Variants in TAB1 observed in about 807,000 individuals in gnomAD.
TAB1 encodes the protein TGF-beta activated kinase 1 (MAP3K7) binding protein 1.
Under a neutral mutation model 54.5 loss-of-function variants are expected in TAB1, and 30 were observed. The observed-to-expected ratio is 0.55, with a 90% CI of 0.41 to 0.75. The LOEUF is 0.75. Ranked by LOEUF, TAB1 falls within the 30% of genes least tolerant of loss-of-function variation. TAB1 has a pLI of 0.00. For synonymous variants in TAB1, 289 were observed against 286.9 expected, an observed-to-expected ratio of 1.01 and a Z score of -0.07; for missense variants, 609 against 683.2, an observed-to-expected ratio of 0.89 and a Z score of 1.21.
Position 39,415,092 on chromosome 22 carries a change from T to C in TAB1, c.120T>C (p.Asp40=). Residue 40 remains aspartate (D), a synonymous_variant, in exon 2 of 11, where the codon GAT becomes GAC. Coordinates refer to ENST00000216160, the MANE Select transcript of TAB1 (RefSeq NM_006116.3). This position sits in a 1 kb window ranked among gnomAD's most constrained non-coding sequence, Gnocchi z 4.9. The part of the protein sequence containing the change: ...GSASNRSYSA[D]GKGTESHPPE... The stretch of plus-strand genomic sequence containing the variant: ...CCTCCAACCGCAGCTACTCTGCTGA[T>C]GGCAAGGGCACTGAGAGCCACCCGC... 1 of 1,612,148 alleles carries C rather than the reference T, an allele frequency of 6.2e-7. No individual in the cohort carries two copies. The highest frequency in any genetic ancestry group is 8.5e-7 in the Non-Finnish European group (1 of 1,178,676).
rs535140480 is a variant in TAB1, at chr22:39,407,048, G to A, written c.33+7213G>A. Among the ~76,000 whole-genome samples the A allele has an allele frequency of 3.5e-4, 53 of 152,220 alleles. 1 individual carries two copies. In the South Asian group the frequency reaches 0.011, roughly 30 times the overall value. ...TCAAAGGGCAAAATTCAAAACTTTC[G>A]ACAGTCTGGAAGGCTGGGATGAATG... On this transcript the variant is annotated intron_variant, in intron 1 of 10. Transcript: ENST00000216160.
At chr22:39,407,471 A>G in intron 1 of TAB1, among the ~76,000 whole-genome samples, 1 of 149,870 alleles carries the variant, frequency 6.7e-6, no homozygotes, top group East Asian at 2.0e-4. Flanking sequence ...TATGGCCCTG[A>G]TCATTTGTTG....
At position 39,430,846 on chromosome 22, in the gene TAB1, A is replaced by G. The variant is rs947859598; in HGVS notation, c.*624A>G. The G allele has an allele frequency of 1.1e-5, 11 of 990,376 alleles. No individual in the cohort carries two copies. Among genetic ancestry groups the G allele is most frequent in the Non-Finnish European group, 1.2e-5 (10 of 832,634 alleles). 61.3% of individuals were successfully genotyped at this position (990,376 alleles called of 1,614,324 possible). The stretch of plus-strand genomic sequence containing the variant: ...GCCACAGAAGGGGCAGGCCAGGTGG[A>G]AAGGAGCCAGGGGGAAGTGGTCTAA... On this transcript the variant is annotated 3_prime_UTR_variant, in exon 11 of 11. Coordinates refer to ENST00000216160, the MANE Select transcript of TAB1 (RefSeq NM_006116.3).
chr22:39,433,298 A>G (rs947181093), downstream of TAB1: 4 of 832,048 alleles, frequency 4.8e-6, no homozygotes, highest in African/African-American at 1.8e-5. Context: ...AAAAATAAAA[A>G]AAGTTAGCCG....
chr22:39,415,484 C>G lies in TAB1; in HGVS notation c.171-16C>G. On this transcript the variant is annotated splice_polypyrimidine_tract_variant and intron_variant, in intron 2 of 10. Coordinates refer to ENST00000216160, the MANE Select transcript of TAB1 (RefSeq NM_006116.3). This position sits in a 1 kb window ranked among gnomAD's most constrained non-coding sequence, Gnocchi z 4.9. The stretch of plus-strand genomic sequence containing the variant: ...ACCCTGGTCTCAGGCCTCCCTCTGC[C>G]CTCTCCCTCTTCCAGGAGTGAGAAC... 6.2e-7 allele frequency: 1 copy of G among 1,610,900 alleles called. No individual in the cohort carries two copies. Among genetic ancestry groups the G allele is most frequent in the Non-Finnish European group, 8.5e-7 (1 of 1,177,250 alleles).
In TAB1 at chr22:39,415,801, C is replaced by T. The variant is rs1011544357; in HGVS notation, c.324+148C>T. On this transcript the variant is annotated intron_variant, in intron 3 of 10. Transcript: ENST00000216160. The surrounding 1 kb of genome is among the most constrained non-coding windows in gnomAD (Gnocchi z 4.9). ...GTAGAGGAGCAGCTCCCAGCGTAGG[C>T]CCCCCCACCCAACAGGAGTCCAGGA... 5.8e-6 allele frequency: 6 copies of T among 1,034,488 alleles called. No homozygotes were observed. The highest frequency in any genetic ancestry group is 4.8e-5 in the African/African-American group (3 of 62,346). The allele number at this position is 1,034,488 out of a possible 1,614,324, so 64.1% of individuals were successfully genotyped here. A position where few individuals can be genotyped will look rare whatever the true frequency, so the allele number is the denominator to read the frequency against.
At chr22:39,424,690 C>T (rs149966479) in intron 8 of TAB1, among the ~76,000 whole-genome samples, 2,263 of 152,224 alleles carry the variant, frequency 0.015, 33 homozygotes, top group Non-Finnish European at 0.023. Flanking sequence ...TCAGATGATC[C>T]ACCTGCCTTG....
downstream of TAB1, chr22:39,436,445 C>A: frequency 6.6e-7 from 1 of 1,515,360 alleles, no homozygotes; most frequent in South Asian, 1.1e-5. Flanking sequence ...GATTTAAACT[C>A]TGGACTTTTC....
At chr22:39,419,444 CTG>C in intron 6 of TAB1, 73 bp from the exon 7 acceptor site, 2 of 1,252,048 alleles carry the variant, frequency 1.6e-6, no homozygotes, top group Non-Finnish European at 2.3e-6. Flanking sequence ...CTTCCCATGA[CTG>C]TGTCTCTGTC....
chr22:39,431,559 C>T lies in TAB1; in HGVS notation c.*1337C>T, dbSNP rs1927588050. On this transcript the variant is annotated 3_prime_UTR_variant, in exon 11 of 11. Coordinates refer to ENST00000216160, the MANE Select transcript of TAB1 (RefSeq NM_006116.3). Reference sequence around the variant, plus strand: ...TGCTTGGTCTCTGCGAAGTCAAAGGCCTGACAGCTCTGTGGCCTGGGAATC... The same window carrying T: ...TGCTTGGTCTCTGCGAAGTCAAAGGTCTGACAGCTCTGTGGCCTGGGAATC... 2 of 985,486 alleles carry T rather than the reference C, an allele frequency of 2.0e-6. No homozygotes were observed. Among genetic ancestry groups the T allele is most frequent in the East Asian group, 2.3e-4 (2 of 8,816 alleles). The allele number at this position is 985,486 out of a possible 1,614,324, so 61.0% of individuals were successfully genotyped here. A position where few individuals can be genotyped will look rare whatever the true frequency, so the allele number is the denominator to read the frequency against.
chr22:39,408,191 A>G (rs1926450305), intron 1 of TAB1, among the ~76,000 whole-genome samples: 1 of 152,252 alleles, frequency 6.6e-6, no homozygotes, highest in African/African-American at 2.4e-5. Context: ...AAAAGTACTT[A>G]GCAGTGTTGA....
At chr22:39,422,127 C>T (rs1927117889) in intron 8 of TAB1, among the ~76,000 whole-genome samples, 156 bp downstream of exon 8, 2 of 152,172 alleles carry the variant, frequency 1.3e-5, no homozygotes, top group Non-Finnish European at 2.9e-5. Context: ...GCTCTGAAAA[C>T]ACCCATCCCA....
intron 8 of TAB1, 127 bp downstream of exon 8, chr22:39,422,098 G>A (rs1212873822): frequency 3.2e-6 from 3 of 943,838 alleles, no homozygotes; most frequent in Non-Finnish European, 4.4e-6. Flanking sequence ...TTCAAAGCTG[G>A]GGGAAGGAGA....
intron 1 of TAB1, among the ~76,000 whole-genome samples, chr22:39,410,874 AG>A (rs1926577660): frequency 6.6e-6 from 1 of 152,232 alleles, no homozygotes. Context: ...GAAAAGGCAA[AG>A]GAACTCAAAT....
intron 8 of TAB1, among the ~76,000 whole-genome samples, chr22:39,424,414 C>A (rs1039050752): frequency 3.3e-5 from 5 of 151,358 alleles, no homozygotes; most frequent in African/African-American, 1.2e-4. Flanking sequence ...GCCTAACTAT[C>A]CCCTGTTCCC....
At chr22:39,400,193 C>T (rs1269851790) in intron 1 of TAB1, among the ~76,000 whole-genome samples, 1 of 152,210 alleles carries the variant, frequency 6.6e-6, no homozygotes, top group Non-Finnish European at 1.5e-5. Flanking sequence ...GCAGCATCCA[C>T]AGTGTACCGC....
At chr22:39,418,935 G>A in intron 6 of TAB1, 90 bp downstream of exon 6, 1 of 1,060,596 alleles carries the variant, frequency 9.4e-7, no homozygotes, top group Non-Finnish European at 1.4e-6. Context: ...GTGTGGTAGA[G>A]GGGCTGTGAT....
At chr22:39,414,454 A>T (rs535402160) in intron 1 of TAB1, among the ~76,000 whole-genome samples, 1 of 152,198 alleles carries the variant, frequency 6.6e-6, no homozygotes, top group Non-Finnish European at 1.5e-5. Flanking sequence ...AGTGCCAGAG[A>T]GAGTGACTGA....
chr22:39,423,151 T>A (rs548368278), intron 8 of TAB1, among the ~76,000 whole-genome samples: 19 of 152,092 alleles, frequency 1.2e-4, no homozygotes, highest in Non-Finnish European at 2.2e-4. Flanking sequence ...TTTGGTTGTT[T>A]TCTTTGTTTT....
Sources: allele counts gnomAD v4.1 joint callset (sites outside exome capture counted in the v4.1 genomes callset), GRCh38; gene constraint gnomAD v4.1.1; non-coding constraint Gnocchi (gnomAD v3.1); transcripts MANE v1.5; gene names NCBI Gene and HGNC (gene_info 2026-07-23, HGNC 2026-07-21).